ADGRA3: variants seen among roughly 807,000 people sequenced by gnomAD.
ADGRA3 encodes adhesion G protein-coupled receptor A3, also known as G-protein coupled receptor 125.
Under a neutral mutation model 119.8 loss-of-function variants are expected in ADGRA3, and 56 were observed. That is an observed-to-expected ratio of 0.47 (90% CI 0.38 to 0.58). ADGRA3 has a LOEUF of 0.58. Among genes scored for constraint, ADGRA3 ranks in the 20% least tolerant of loss-of-function variants. The pLI is 0.00. For missense variants in ADGRA3, 1,516 were observed against 1,649.0 expected, an observed-to-expected ratio of 0.92 and a Z score of 1.40; for synonymous variants, 607 against 623.8, an observed-to-expected ratio of 0.97 and a Z score of 0.40.
rs1343071569 is a variant in ADGRA3, at chr4:22,405,503, G to T, written c.2233-2704C>A. Among the ~76,000 whole-genome samples the T allele has an allele frequency of 2.7e-5, 4 of 149,890 alleles. No individual in the cohort carries two copies. In the South Asian group the frequency reaches 6.3e-4, roughly 24 times the overall value. On this transcript the variant is annotated intron_variant, in intron 14 of 18. Transcript: ENST00000334304. ...TGAGGCTGCAGTGAGCTGAGATTGC[G>T]CCACTGCACTCCAGCCTGGGCAACA...
chr4:22,461,463 C>T (rs1337479193), intron 3 of ADGRA3, among the ~76,000 whole-genome samples: 1 of 152,112 alleles, frequency 6.6e-6, no homozygotes, highest in African/African-American at 2.4e-5. Context: ...ACCATGCCAG[C>T]TCATTTTCGT....
In ADGRA3 at chr4:22,492,303, T is replaced by G. The variant is rs905286124; in HGVS notation, c.258-18460A>C. On this transcript the variant is annotated intron_variant, in intron 1 of 18. Coordinates refer to ENST00000334304, the MANE Select transcript of ADGRA3 (RefSeq NM_145290.4). Reference sequence around the variant, plus strand: ...CAGATCTTAAACAACAGAAACCTACTGCCTAGATAAATCCAGGCCTGGTTG... The same window carrying G: ...CAGATCTTAAACAACAGAAACCTACGGCCTAGATAAATCCAGGCCTGGTTG... 3.9e-5 allele frequency among the ~76,000 whole-genome samples: 6 copies of G among 152,348 alleles called. 1 individual carries two copies. The Middle Eastern group carries it at 0.017, about 432-fold the overall frequency.
At chr4:22,478,708 T>A (rs1364512425) in intron 1 of ADGRA3, among the ~76,000 whole-genome samples, 1 of 152,102 alleles carries the variant, frequency 6.6e-6, no homozygotes, top group East Asian at 1.9e-4. Context: ...TGAGTTAGGG[T>A]AGGCCCTAAA....
chr4:22,487,433 G>A (rs572404442), intron 1 of ADGRA3, among the ~76,000 whole-genome samples: 7 of 152,180 alleles, frequency 4.6e-5, no homozygotes, highest in East Asian at 1.9e-4. Flanking sequence ...AATTCTTAAC[G>A]CTCAGCTGAT....
Position 22,438,435 on chromosome 4 carries a change from A to G in ADGRA3, c.921-15T>C, listed in dbSNP as rs1560317053. ...TGGTTAGGGCACTGCATAAAGAAAG[A>G]TTTTAAAAAGAGAGAAAATATAATT... On this transcript the variant is annotated splice_polypyrimidine_tract_variant and intron_variant, in intron 7 of 18. Transcript: ENST00000334304. The G allele has an allele frequency of 6.2e-7, 1 of 1,603,908 alleles. No homozygotes were observed. The highest frequency in any genetic ancestry group is 2.2e-5 in the East Asian group (1 of 44,664).
chr4:22,411,155 T>C lies in ADGRA3; in HGVS notation c.2232+2027A>G, dbSNP rs540265476. On this transcript the variant is annotated intron_variant, in intron 14 of 18. Transcript: ENST00000334304. ...TTGTGTATGTTTTGTGTTTCATTTATTTTGCTCAATTTTTTCTTGTTAACT... is the reference window on the plus strand; with the variant it reads ...TTGTGTATGTTTTGTGTTTCATTTACTTTGCTCAATTTTTTCTTGTTAACT... Among the ~76,000 whole-genome samples the C allele has an allele frequency of 7.2e-5, 11 of 152,372 alleles. No individual in the cohort carries two copies. In the South Asian group the frequency reaches 2.1e-3, roughly 29 times the overall value.
At chr4:22,495,568 C>T (rs1331099589) in intron 1 of ADGRA3, among the ~76,000 whole-genome samples, 1 of 151,972 alleles carries the variant, frequency 6.6e-6, no homozygotes, top group African/African-American at 2.4e-5. Context: ...AAAGTGACTT[C>T]CAGAAAGCAA....
intron 14 of ADGRA3, among the ~76,000 whole-genome samples, chr4:22,407,765 A>T (rs980267909): frequency 6.6e-6 from 1 of 152,224 alleles, no homozygotes; most frequent in Admixed American, 6.5e-5. Flanking sequence ...AAGTTTTTAG[A>T]ACTGTTTACT....
chr4:22,470,580 C>G (rs1231388789), intron 2 of ADGRA3, among the ~76,000 whole-genome samples: 1 of 152,168 alleles, frequency 6.6e-6, no homozygotes, highest in African/African-American at 2.4e-5. Flanking sequence ...ATTCCTTGTT[C>G]TGCCAACCGT....
At chr4:22,452,346 C>G (rs1311944270) in intron 4 of ADGRA3, among the ~76,000 whole-genome samples, 1 of 152,114 alleles carries the variant, frequency 6.6e-6, no homozygotes, top group Non-Finnish European at 1.5e-5. Context: ...ACTTGACCAC[C>G]ATGCAATCTA....
chr4:22,503,415 A>C (rs1719117929), intron 1 of ADGRA3, among the ~76,000 whole-genome samples: 1 of 152,208 alleles, frequency 6.6e-6, no homozygotes, highest in African/African-American at 2.4e-5. Context: ...TCTTGATGGG[A>C]AATGAATTAA....
chr4:22,487,550 C>G (rs1718473169), intron 1 of ADGRA3, among the ~76,000 whole-genome samples: 1 of 152,142 alleles, frequency 6.6e-6, no homozygotes, highest in Non-Finnish European at 1.5e-5. Flanking sequence ...GGTCCAAGGT[C>G]TGGGGGTTGG....
intron 10 of ADGRA3, among the ~76,000 whole-genome samples, chr4:22,430,603 A>C (rs1716124387): frequency 6.6e-6 from 1 of 152,180 alleles, no homozygotes; most frequent in Admixed American, 6.5e-5. Flanking sequence ...ATTCCATTTT[A>C]TAAGAAAAGC....
chr4:22,475,924 TGAAA>T (rs1249914219), intron 1 of ADGRA3, among the ~76,000 whole-genome samples: 2 of 152,004 alleles, frequency 1.3e-5, no homozygotes, highest in Non-Finnish European at 2.9e-5. Context: ...CAAAATCTAC[TGAAA>T]GAAACAAATT....
Position 22,438,404 on chromosome 4 carries a change from T to G in ADGRA3, c.937A>C (p.Asn313His). Reference sequence around the variant, plus strand: ...TTTCCAGTAGATCCAGCCTGAATATTAGAAATGGTTAGGGCACTGCATAAA... The same window carrying G: ...TTTCCAGTAGATCCAGCCTGAATATGAGAAATGGTTAGGGCACTGCATAAA... Reference protein sequence around the residue: ...SLIASALTISNIQAGSTGNWG... With the variant: ...SLIASALTISHIQAGSTGNWG... The change falls in exon 8 of 19, where the codon AAT becomes CAT. Residue 313 changes from asparagine (N) to histidine (H), a missense_variant. Asn to His is a moderately conservative substitution (Grantham distance 68). This residue lies in a region of ADGRA3 where 428 missense variants were observed against 541.9 expected (regional missense o/e 0.79). Transcript: ENST00000334304. 1 of 1,613,702 alleles carries G rather than the reference T, an allele frequency of 6.2e-7. No homozygotes were observed. Among genetic ancestry groups the G allele is most frequent in the Non-Finnish European group, 8.5e-7 (1 of 1,179,788 alleles).
At chr4:22,456,462 G>C (rs189070561) in intron 3 of ADGRA3, among the ~76,000 whole-genome samples, 65 of 152,286 alleles carry the variant, frequency 4.3e-4, no homozygotes, top group African/African-American at 1.5e-3. Flanking sequence ...CCCTTCCACA[G>C]CAGGATGTCT....
intron 2 of ADGRA3, 127 bp from the exon 3 acceptor site, chr4:22,461,935 G>T: frequency 1.9e-6 from 1 of 524,732 alleles, no homozygotes; most frequent in Non-Finnish European, 3.3e-6. Context: ...GAAGCCAAAA[G>T]GGTTAAGCCA....
intron 16 of ADGRA3, among the ~76,000 whole-genome samples, chr4:22,395,983 T>G (rs1447818310): frequency 6.6e-6 from 1 of 152,078 alleles, no homozygotes; most frequent in Non-Finnish European, 1.5e-5. Context: ...CTACATTTAA[T>G]AAATTCAATC....
intron 7 of ADGRA3, among the ~76,000 whole-genome samples, chr4:22,439,674 T>C (rs867544179): frequency 3.9e-5 from 6 of 152,314 alleles, no homozygotes; most frequent in Middle Eastern, 6.8e-3. Flanking sequence ...AATTAATATT[T>C]TTAAAATAGA....
Sources: gnomAD v4.1 joint callset for allele counts (sites outside exome capture counted in the v4.1 genomes callset) on GRCh38, gnomAD v4.1.1 for gene constraint, gnomAD v4.1.1 regional missense constraint, MANE v1.5 for transcripts, NCBI Gene and HGNC (gene_info 2026-07-23, HGNC 2026-07-21) for gene names.